The following ATAD2B variants were observed in gnomAD, a reference collection of about 807,000 sequenced individuals.
ATAD2B encodes ATPase family AAA domain-containing protein 2B.
In ATAD2B, 40 loss-of-function variants were observed where a neutral mutation model predicts 167.6. The ratio of observed to expected loss-of-function variants is 0.24; its 90% confidence interval spans 0.19 to 0.31. The LOEUF is 0.31. Ranked by LOEUF, ATAD2B falls within the 10% of genes least tolerant of loss-of-function variation. The probability of loss-of-function intolerance (pLI) is 1.00; values close to 1 mark genes in which losing one functional copy is unlikely to be tolerated. For missense variants in ATAD2B, 1,242 were observed against 1,757.2 expected (o/e 0.71, Z 5.24); for synonymous variants, 579 against 596.5 (o/e 0.97, Z 0.43).
chr2:23,837,120 T>C (rs1397058474), intron 13 of ATAD2B, among the ~76,000 whole-genome samples: 1 of 152,090 alleles, frequency 6.6e-6, no homozygotes, highest in Non-Finnish European at 1.5e-5. Context: ...ACCCTCAGCT[T>C]CCCACCCAAG....
intron 1 of ATAD2B, among the ~76,000 whole-genome samples, chr2:23,910,498 T>A (rs544698215): frequency 2.9e-4 from 44 of 151,710 alleles, no homozygotes; most frequent in African/African-American, 1.0e-3. Flanking sequence ...TTTATCTTCA[T>A]TGTCTGGTCA....
At position 23,917,670 on chromosome 2, in the gene ATAD2B, T is replaced by C. The variant is rs141322175; in HGVS notation, c.216+8885A>G. ...AGCCAGGTGCAGTGGCTCATACCTG[T>C]AATCCCAGCTACTCGGCAGGCTGAG... On this transcript the variant is annotated intron_variant, in intron 1 of 27. Transcript: ENST00000238789. 2.7e-3 allele frequency among the ~76,000 whole-genome samples: 417 copies of C among 152,136 alleles called. 3 individuals carry two copies. Among genetic ancestry groups the C allele is most frequent in the African/African-American group, 9.2e-3 (382 of 41,504 alleles).
chr2:23,699,376 T>TG, the ATAD2B span, among the ~76,000 whole-genome samples: 1 of 152,146 alleles, frequency 6.6e-6, no homozygotes, highest in Non-Finnish European at 1.5e-5. Flanking sequence ...AGCAGCATGG[T>TG]GGGCGGTAGA....
chr2:23,773,799 A>G (rs1300294456), intron 22 of ATAD2B, among the ~76,000 whole-genome samples: 1 of 152,150 alleles, frequency 6.6e-6, no homozygotes, highest in African/African-American at 2.4e-5. Flanking sequence ...TGTGCCATAT[A>G]ACATCTGTGG....
chr2:23,848,360 A>C lies in ATAD2B; in HGVS notation c.1568+9055T>G, dbSNP rs142977675. On this transcript the variant is annotated intron_variant, in intron 13 of 27. Transcript: ENST00000238789. ...CCAGGCATGGTGGCGTGCACCTGCA[A>C]TTCCAGCTACGCAGGAGGCTCAGGC... Among the ~76,000 whole-genome samples the C allele has an allele frequency of 1.7e-3, 251 of 151,836 alleles. 1 individual carries two copies. The highest frequency in any genetic ancestry group is 5.8e-3 in the African/African-American group (239 of 41,412).
the ATAD2B span, among the ~76,000 whole-genome samples, chr2:23,733,733 C>G: frequency 6.6e-6 from 1 of 152,128 alleles, no homozygotes; most frequent in Non-Finnish European, 1.5e-5. Context: ...CCCCAACATC[C>G]AATCACTGAA....
chr2:23,865,203 T>G (rs903592071), intron 10 of ATAD2B, among the ~76,000 whole-genome samples: 2 of 152,082 alleles, frequency 1.3e-5, no homozygotes, highest in Admixed American at 6.6e-5. Context: ...GATTTTTATA[T>G]TATACTAACA....
intron 13 of ATAD2B, among the ~76,000 whole-genome samples, chr2:23,841,098 ATTTT>A (rs572061183): frequency 1.6e-4 from 19 of 117,172 alleles, no homozygotes; most frequent in African/African-American, 5.7e-4. Context: ...ATGCATGGCT[ATTTT>A]TTTTTTTTTT....
the ATAD2B span, chr2:23,703,460 A>C: frequency 7.9e-7 from 1 of 1,269,626 alleles, no homozygotes; most frequent in Non-Finnish European, 1.1e-6. Flanking sequence ...CATGCCCAGA[A>C]GTCAGGCTAA....
chr2:23,755,197 T>A (rs943709423), intron 25 of ATAD2B: 1 of 153,086 alleles, frequency 6.5e-6, no homozygotes, highest in African/African-American at 2.4e-5. Flanking sequence ...GTCTACACAT[T>A]TGCCTCCCAA....
the ATAD2B span, chr2:23,696,505 C>T: frequency 0.56 from 851,106 of 1,524,666 alleles, 241,343 homozygotes; most frequent in East Asian, 0.81. The surrounding 1 kb of genome is among the most constrained non-coding windows in gnomAD (Gnocchi z 5.5). Flanking sequence ...ACGTGGACCA[C>T]GTGGAGAGGT....
At chr2:23,879,551 G>A (rs564504438) in intron 7 of ATAD2B, among the ~76,000 whole-genome samples, 1 of 152,096 alleles carries the variant, frequency 6.6e-6, no homozygotes, top group Non-Finnish European at 1.5e-5. Flanking sequence ...AGGCTGTAGT[G>A]TATTATATTT....
At chr2:23,738,126 T>C in the ATAD2B span, among the ~76,000 whole-genome samples, 5 of 152,186 alleles carry the variant, frequency 3.3e-5, no homozygotes, top group Non-Finnish European at 7.3e-5. Flanking sequence ...AAACACTCTG[T>C]AGGATATTAT....
chr2:23,805,086 T>C (rs1272686387), intron 18 of ATAD2B, among the ~76,000 whole-genome samples: 2 of 148,960 alleles, frequency 1.3e-5, no homozygotes, highest in African/African-American at 2.5e-5. Flanking sequence ...GAGGTTGCAA[T>C]GAGCCGAGAT....
At position 23,798,438 on chromosome 2, in the gene ATAD2B, C is replaced by T. The variant is rs532552328; in HGVS notation, c.2455-115G>A. The T allele has an allele frequency of 8.5e-6, 7 of 819,858 alleles. No homozygotes were observed. In the African/African-American group the frequency reaches 1.0e-4, roughly 12 times the overall value. The allele number at this position is 819,858 out of a possible 1,614,324, so 50.8% of individuals were successfully genotyped here. A position where few individuals can be genotyped will look rare whatever the true frequency, so the allele number is the denominator to read the frequency against. On this transcript the variant is annotated intron_variant, in intron 18 of 27. Transcript: ENST00000238789. ...GCCTATTATGGTCATTAGTTTCAGC[C>T]TCAAAATTTAAGTTCAAGATATGAT...
chr2:23,855,825 G>A (rs1693306563), intron 13 of ATAD2B, among the ~76,000 whole-genome samples: 1 of 152,094 alleles, frequency 6.6e-6, no homozygotes, highest in South Asian at 2.1e-4. Flanking sequence ...GAAGTTTGAG[G>A]TTACAGTGAG....
intron 7 of ATAD2B, among the ~76,000 whole-genome samples, chr2:23,876,359 T>C (rs112306858): frequency 0.064 from 9,709 of 151,328 alleles, 393 homozygotes; most frequent in African/African-American, 0.12. Context: ...TGGAGTGCAG[T>C]GGCGCGATCT....
Position 23,810,411 on chromosome 2 carries a change from G to C in ATAD2B, c.2359C>G (p.Leu787Val). Residue 787 changes from leucine (L) to valine (V), a missense_variant, in exon 18 of 28, where the codon CTT (leucine) becomes GTT (valine). This residue lies in a region of ATAD2B where 145 missense variants were observed against 181.9 expected (regional missense o/e 0.80). Coordinates refer to ENST00000238789, the MANE Select transcript of ATAD2B (RefSeq NM_017552.4). Reference sequence around the variant, plus strand: ...GAGAATCTTTCTAGAGTGTGCAAAAGTGCTGGAGCAAGGTGAGAAGTTTGA... The same window carrying C: ...GAGAATCTTTCTAGAGTGTGCAAAACTGCTGGAGCAAGGTGAGAAGTTTGA... ...SGQTSHLAPALLHTLERFSVH... is the reference protein window; with the variant it reads ...SGQTSHLAPAVLHTLERFSVH... 1 of 1,613,902 alleles carries C rather than the reference G, an allele frequency of 6.2e-7. No individual in the cohort carries two copies. Among genetic ancestry groups the C allele is most frequent in the Non-Finnish European group, 8.5e-7 (1 of 1,179,822 alleles).
intron 1 of ATAD2B, among the ~76,000 whole-genome samples, chr2:23,905,071 C>T (rs1701311535): frequency 6.6e-6 from 1 of 151,920 alleles, no homozygotes; most frequent in South Asian, 2.1e-4. Flanking sequence ...TACATAGAAG[C>T]GACCTGTTAG....
Sources: gnomAD v4.1 joint callset for allele counts (sites outside exome capture counted in the v4.1 genomes callset) on GRCh38, gnomAD v4.1.1 for gene constraint, gnomAD v4.1.1 regional missense constraint, Gnocchi (gnomAD v3.1) non-coding constraint, MANE v1.5 for transcripts, NCBI Gene and HGNC (gene_info 2026-07-23, HGNC 2026-07-21) for gene names.